Variants in CHN1 observed in about 807,000 individuals in gnomAD.
CHN1 encodes the protein chimerin 1.
In CHN1, 37 loss-of-function variants were observed where a neutral mutation model predicts 59.5. That is an observed-to-expected ratio of 0.62 (90% CI 0.48 to 0.82). The LOEUF (loss-of-function observed/expected upper bound fraction) is 0.82. CHN1 is among the 40% of genes least tolerant of loss of function. CHN1 has a pLI of 0.00. For synonymous variants in CHN1, 206 were observed against 200.4 expected, an observed-to-expected ratio of 1.03 and a Z score of -0.24; for missense variants, 469 against 571.0, an observed-to-expected ratio of 0.82 and a Z score of 1.82.
intron 1 of CHN1, among the ~76,000 whole-genome samples, chr2:174,954,252 C>A (rs1690117230): frequency 6.6e-6 from 1 of 151,952 alleles, no homozygotes; most frequent in Non-Finnish European, 1.5e-5. Context: ...TGTAGAAGAA[C>A]AAAAGTGGAT....
intron 1 of CHN1, among the ~76,000 whole-genome samples, chr2:174,989,188 C>T (rs945589477): frequency 2.6e-5 from 4 of 151,098 alleles, no homozygotes; most frequent in African/African-American, 7.3e-5. Context: ...CCAGCCTGGC[C>T]AACATGGTGA....
chr2:174,882,120 A>G (rs1360633580), intron 5 of CHN1, among the ~76,000 whole-genome samples: 1 of 152,182 alleles, frequency 6.6e-6, no homozygotes, highest in African/African-American at 2.4e-5. Flanking sequence ...CTTGGTGAAC[A>G]TACTTGAAGC....
intron 11 of CHN1, among the ~76,000 whole-genome samples, chr2:174,806,658 A>G (rs910399670): frequency 2.0e-5 from 3 of 152,172 alleles, no homozygotes; most frequent in Non-Finnish European, 4.4e-5. Context: ...TACACAATTT[A>G]CTGATACTCC....
intron 5 of CHN1, among the ~76,000 whole-genome samples, chr2:174,896,911 CCT>C (rs148326867): frequency 3.7e-4 from 56 of 152,106 alleles, no homozygotes; most frequent in Non-Finnish European, 7.1e-4. Context: ...ATATAAATTA[CCT>C]TTTTACCTAT....
chr2:174,901,513 A>C (rs914672327), intron 5 of CHN1, among the ~76,000 whole-genome samples: 4 of 152,164 alleles, frequency 2.6e-5, no homozygotes, highest in South Asian at 2.1e-4. Context: ...CTTCCACAGC[A>C]TTTGCCTCAG....
intron 3 of CHN1, among the ~76,000 whole-genome samples, chr2:174,933,692 A>G (rs948890701): frequency 3.3e-5 from 5 of 152,342 alleles, no homozygotes; most frequent in Admixed American, 3.3e-4. Flanking sequence ...AAGATAGGAG[A>G]AATAATAGGA....
chr2:174,802,662 A>G (rs1457208156), intron 11 of CHN1, among the ~76,000 whole-genome samples: 2 of 152,232 alleles, frequency 1.3e-5, no homozygotes, highest in African/African-American at 2.4e-5. Flanking sequence ...AACAATTAAC[A>G]TATTTGGAAT....
intron 7 of CHN1, among the ~76,000 whole-genome samples, chr2:174,843,755 T>C (rs1686396658): frequency 6.6e-6 from 1 of 150,944 alleles, no homozygotes; most frequent in Admixed American, 6.6e-5. Context: ...GTGGCTACCA[T>C]GTATCTACAT....
chr2:174,878,395 A>G (rs1687639421), intron 5 of CHN1, among the ~76,000 whole-genome samples: 1 of 152,240 alleles, frequency 6.6e-6, no homozygotes, highest in African/African-American at 2.4e-5. Flanking sequence ...TTTTTAAACC[A>G]CTTTATTATA....
intron 7 of CHN1, among the ~76,000 whole-genome samples, chr2:174,828,378 G>A (rs994281379): frequency 3.3e-5 from 5 of 152,130 alleles, no homozygotes; most frequent in Non-Finnish European, 7.4e-5. Context: ...TACGTGCGTC[G>A]TTATGCTTTA....
intron 1 of CHN1, among the ~76,000 whole-genome samples, chr2:174,999,305 C>T (rs1691809905): frequency 6.6e-6 from 1 of 152,142 alleles, no homozygotes; most frequent in Non-Finnish European, 1.5e-5. Context: ...ATTTAGTTTA[C>T]ATATTTCAGA....
intron 11 of CHN1, among the ~76,000 whole-genome samples, chr2:174,803,789 A>T (rs1411986615): frequency 6.6e-6 from 1 of 152,056 alleles, no homozygotes; most frequent in African/African-American, 2.4e-5. Context: ...CCTGGGCTCA[A>T]GCGATCCTCC....
chr2:174,806,812 G>C (rs1253282903), intron 11 of CHN1, among the ~76,000 whole-genome samples: 5 of 152,236 alleles, frequency 3.3e-5, no homozygotes, highest in African/African-American at 1.2e-4. Context: ...CACATCTAAA[G>C]AATGAAACAG....
chr2:174,825,088 C>T (rs558419567), intron 7 of CHN1, among the ~76,000 whole-genome samples: 2 of 152,244 alleles, frequency 1.3e-5, no homozygotes, highest in African/African-American at 4.8e-5. Context: ...TTCCAATGTC[C>T]CCTCAGGTGC....
intron 3 of CHN1, among the ~76,000 whole-genome samples, chr2:174,931,621 A>C (rs1032586880): frequency 1.3e-5 from 2 of 152,232 alleles, no homozygotes; most frequent in Non-Finnish European, 2.9e-5. Context: ...GTAAGGGAAA[A>C]CAGCAGTAAA....
At chr2:174,802,608 G>A (rs1020153054) in intron 11 of CHN1, among the ~76,000 whole-genome samples, 2 of 152,160 alleles carry the variant, frequency 1.3e-5, no homozygotes, top group South Asian at 4.1e-4. Flanking sequence ...ACATTCCTTT[G>A]AGATCAGACT....
chr2:174,923,998 ATTTT>A (rs567438004), intron 3 of CHN1, among the ~76,000 whole-genome samples: 2 of 151,926 alleles, frequency 1.3e-5, no homozygotes, highest in Non-Finnish European at 2.9e-5. Flanking sequence ...AAAACTTGAG[ATTTT>A]TTTTCTCTCA....
At chr2:174,915,343 C>T in intron 4 of CHN1, 172 bp from the exon 5 acceptor site, 2 of 597,886 alleles carry the variant, frequency 3.3e-6, no homozygotes, top group South Asian at 2.0e-5. Context: ...CTGGACCTGG[C>T]CCCCAGCCAG....
intron 1 of CHN1, among the ~76,000 whole-genome samples, chr2:174,968,552 C>A (rs1690661406): frequency 6.6e-6 from 1 of 152,202 alleles, no homozygotes. Context: ...AATAAGTTGC[C>A]AAGGGGCAAA....
Sources: gnomAD v4.1 joint callset for allele counts (sites outside exome capture counted in the v4.1 genomes callset) on GRCh38, gnomAD v4.1.1 for gene constraint, MANE v1.5 for transcripts, NCBI Gene and HGNC (gene_info 2026-07-23, HGNC 2026-07-21) for gene names.